FKBP5: variants seen among roughly 807,000 people sequenced by gnomAD.
FKBP5 encodes the protein peptidyl-prolyl cis-trans isomerase FKBP5.
In FKBP5, 23 loss-of-function variants were observed where a neutral mutation model predicts 50.5. The ratio of observed to expected loss-of-function variants is 0.46; its 90% CI spans 0.33 to 0.65. FKBP5 has a LOEUF of 0.65. Among genes scored for constraint, FKBP5 ranks in the 30% least tolerant of loss-of-function variants. FKBP5 has a pLI of 0.02. For missense variants in FKBP5, 411 were observed against 553.1 expected (o/e 0.74, Z 2.58); for synonymous variants, 176 against 190.6 (o/e 0.92, Z 0.63).
rs1466200550 is a variant in FKBP5 at position 35,705,234 on chromosome 6, ATATATATATATATATATATATATATTT to A, written c.-20+15067_-20+15093del. Among the ~76,000 whole-genome samples the A allele has an allele frequency of 5.1e-3, 25 of 4,894 alleles. 2 individuals carry two copies. The South Asian group carries it at 0.082, about 16-fold the overall frequency. 3.2% of individuals were successfully genotyped at this position (4,894 alleles called of 152,430 possible). A position where few individuals can be genotyped will look rare whatever the true frequency, so the allele number is the denominator to read the frequency against. On this transcript the variant is annotated intron_variant, in intron 2 of 11. Coordinates refer to the FKBP5 transcript ENST00000536438. The stretch of plus-strand genomic sequence containing the variant: ...TACAAATATATATATATATATATAT[ATATATATATATATATATATATATATTT>A]TTTTTTTTTTTTTTTTTTTTTTGGA...
At chr6:35,615,902 T>C (rs1197130876) in intron 5 of FKBP5, among the ~76,000 whole-genome samples, 1 of 152,244 alleles carries the variant, frequency 6.6e-6, no homozygotes, top group Non-Finnish European at 1.5e-5. Flanking sequence ...TACCTCTTGA[T>C]AATGATGAAA....
intron 6 of FKBP5, 26 bp downstream of exon 6, chr6:35,597,220 CTG>C: frequency 3.1e-6 from 5 of 1,611,772 alleles, no homozygotes; most frequent in Non-Finnish European, 4.2e-6. Context: ...GGTGACTTCA[CTG>C]TGTTCCAAAC....
intron 4 of FKBP5, among the ~76,000 whole-genome samples, chr6:35,619,615 C>T (rs943909958): frequency 2.0e-5 from 3 of 152,154 alleles, no homozygotes; most frequent in Non-Finnish European, 2.9e-5. Flanking sequence ...ATGTGACCTA[C>T]GACTGATTAA....
chr6:35,706,961 G>A (rs150028491), intron 2 of FKBP5, among the ~76,000 whole-genome samples: 81 of 152,248 alleles, frequency 5.3e-4, no homozygotes, highest in African/African-American at 1.9e-3. Context: ...ATAGAACAGA[G>A]TATAATGGAT....
chr6:35,659,904 CCT>C lies in FKBP5; in HGVS notation c.-19-17063_-19-17062del, dbSNP rs1466507703. On this transcript the variant is annotated intron_variant, in intron 1 of 10. Transcript: ENST00000357266. ...TTTGGCTTTTATCCTTAACTCTTTTCCTCTGTTTACTTTGGGTTTAATTTTCC... is the reference window on the plus strand; with the variant it reads ...TTTGGCTTTTATCCTTAACTCTTTTCCTGTTTACTTTGGGTTTAATTTTCC... 3.6e-5 allele frequency among the ~76,000 whole-genome samples: 3 copies of C among 83,412 alleles called. 1 individual carries two copies. The highest frequency in any genetic ancestry group is 1.1e-4 in the African/African-American group (3 of 26,980). 54.7% of individuals were successfully genotyped at this position (83,412 alleles called of 152,430 possible).
At chr6:35,587,512 TA>T (rs774450353) in intron 7 of FKBP5, among the ~76,000 whole-genome samples, 2 of 152,354 alleles carry the variant, frequency 1.3e-5, no homozygotes, top group East Asian at 1.9e-4. Flanking sequence ...TTTTCAACTC[TA>T]AAATGGGAAC....
rs34258638 is a variant in FKBP5, at chr6:35,713,077, T to TAA, written c.-20+7249_-20+7250dup. On this transcript the variant is annotated intron_variant, in intron 2 of 11. Transcript: ENST00000536438. The stretch of plus-strand genomic sequence containing the variant: ...AGGCGACAATGCAAGATCTGGTCTC[T>TAA]AAAAAAAAAAAAAAAAAAAAAAAAA... Among the ~76,000 whole-genome samples the TAA allele has an allele frequency of 8.2e-3, 434 of 52,860 alleles. 9 individuals carry two copies. The highest frequency in any genetic ancestry group is 0.03 in the African/African-American group (346 of 11,596). The allele number at this position is 52,860 out of a possible 152,430, so 34.7% of individuals were successfully genotyped here. A position where few individuals can be genotyped will look rare whatever the true frequency, so the allele number is the denominator to read the frequency against.
chr6:35,610,318 G>A (rs1000216662), intron 5 of FKBP5, among the ~76,000 whole-genome samples: 8 of 152,020 alleles, frequency 5.3e-5, no homozygotes, highest in African/African-American at 1.9e-4. Flanking sequence ...TATAATCTCA[G>A]CACTTTGGGA....
chr6:35,622,831 T>C (rs1407335452), intron 3 of FKBP5, among the ~76,000 whole-genome samples: 1 of 152,216 alleles, frequency 6.6e-6, no homozygotes, highest in Non-Finnish European at 1.5e-5. Context: ...GAATACCAAG[T>C]TTGCCCTTTA....
Position 35,621,211 on chromosome 6 carries a change from T to G in FKBP5, c.251-937A>C, listed in dbSNP as rs1330437780. Among the ~76,000 whole-genome samples the G allele has an allele frequency of 4.6e-5, 7 of 152,262 alleles. No homozygotes were observed. The East Asian group carries it at 1.3e-3, about 29-fold the overall frequency. On this transcript the variant is annotated intron_variant, in intron 3 of 10. Transcript: ENST00000357266. Reference sequence around the variant, plus strand: ...TTACTGCTCAATTGTAGAACTATATTAGGCTATATAATTGTAATCTCAATG... The same window carrying G: ...TTACTGCTCAATTGTAGAACTATATGAGGCTATATAATTGTAATCTCAATG...
intron 1 of FKBP5, among the ~76,000 whole-genome samples, chr6:35,723,093 C>T (rs1473785720): frequency 1.1e-4 from 16 of 151,958 alleles, no homozygotes; most frequent in Non-Finnish European, 1.6e-4. Context: ...ATTAGCTGGG[C>T]GTGGTGGCGG....
chr6:35,653,311 G>A lies in FKBP5; in HGVS notation c.-19-10468C>T, dbSNP rs527429723. On this transcript the variant is annotated intron_variant, in intron 1 of 10. Transcript: ENST00000357266. ...TTGGAGGCTGCACTGAGCTTTGATGGCACCACTGTACTCCAGCCTGGGTAA... is the reference window on the plus strand; with the variant it reads ...TTGGAGGCTGCACTGAGCTTTGATGACACCACTGTACTCCAGCCTGGGTAA... Among the ~76,000 whole-genome samples the A allele has an allele frequency of 2.2e-3, 332 of 152,226 alleles. 1 individual carries two copies. The highest frequency in any genetic ancestry group is 6.8e-3 in the Middle Eastern group (2 of 294).
chr6:35,693,163 CTT>C (rs71002590), upstream of FKBP5, among the ~76,000 whole-genome samples: 59 of 109,792 alleles, frequency 5.4e-4, no homozygotes, highest in African/African-American at 2.0e-3. Context: ...TTCTCTCTCT[CTT>C]TTTTTTTTTT....
chr6:35,625,662 G>A (rs1004536065), intron 3 of FKBP5, among the ~76,000 whole-genome samples: 2 of 149,370 alleles, frequency 1.3e-5, no homozygotes, highest in African/African-American at 4.9e-5. Context: ...CGTGAACCCG[G>A]GAGGCGGAGC....
At chr6:35,590,966 G>A (rs1762802785) in intron 7 of FKBP5, among the ~76,000 whole-genome samples, 164 bp downstream of exon 7, 1 of 151,520 alleles carries the variant, frequency 6.6e-6, no homozygotes, top group Non-Finnish European at 1.5e-5. Flanking sequence ...GCTGTGCTAT[G>A]TCAGTTGTTC....
intron 3 of FKBP5, among the ~76,000 whole-genome samples, chr6:35,625,595 G>C (rs570876089): frequency 2.7e-5 from 4 of 149,684 alleles, no homozygotes; most frequent in African/African-American, 9.8e-5. Flanking sequence ...AATTAGCCGG[G>C]CGTGGTGGTG....
intron 2 of FKBP5, among the ~76,000 whole-genome samples, chr6:35,704,828 C>T (rs2151019763): frequency 6.6e-6 from 1 of 151,988 alleles, no homozygotes; most frequent in East Asian, 1.9e-4. Flanking sequence ...TAACATAGTA[C>T]AAAACTGTCA....
intron 2 of FKBP5, among the ~76,000 whole-genome samples, chr6:35,709,441 G>A (rs1388489870): frequency 6.6e-6 from 1 of 152,150 alleles, no homozygotes; most frequent in African/African-American, 2.4e-5. Context: ...AGTGCAGAAA[G>A]ATATAACTAT....
intron 1 of FKBP5, among the ~76,000 whole-genome samples, chr6:35,672,170 T>C (rs1353665189): frequency 6.6e-6 from 1 of 152,024 alleles, no homozygotes; most frequent in African/African-American, 2.4e-5. Context: ...GACCGGCCAC[T>C]ATCTTCTCGC....
Sources: gnomAD v4.1 joint callset for allele counts (sites outside exome capture counted in the v4.1 genomes callset) on GRCh38, gnomAD v4.1.1 for gene constraint, MANE v1.5 for transcripts, NCBI Gene and HGNC (gene_info 2026-07-23, HGNC 2026-07-21) for gene names.